Variants in KIAA1671 observed in about 807,000 individuals in gnomAD.
KIAA1671 encodes KIAA1671.
Under a neutral mutation model 131.2 loss-of-function variants are expected in KIAA1671, and 52 were observed. That is an observed-to-expected ratio of 0.40 (90% CI 0.32 to 0.50). KIAA1671 has a LOEUF of 0.50. KIAA1671 is among the 20% of genes least tolerant of loss of function. The pLI is 0.73. For missense variants in KIAA1671, 2,360 were observed against 2,364.2 expected (o/e 1.00, Z 0.04); for synonymous variants, 1,003 against 961.6 (o/e 1.04, Z -0.80).
In KIAA1671 at chr22:25,177,325, C is replaced by G. The variant is rs1236810629; in HGVS notation, c.4900-23C>G. The G allele has an allele frequency of 2.6e-6, 4 of 1,529,352 alleles. No individual in the cohort carries two copies. In the South Asian group the frequency reaches 3.7e-5, roughly 14 times the overall value. The allele number at this position is 1,529,352 out of a possible 1,614,324, so 94.7% of individuals were successfully genotyped here. A position where few individuals can be genotyped will look rare whatever the true frequency, so the allele number is the denominator to read the frequency against. Reference sequence around the variant, plus strand: ...TGATGGTTCCCTTGATTTTTTTCCTCTTCCTCCCTGCTGCTCCCAAAGCAA... The same window carrying G: ...TGATGGTTCCCTTGATTTTTTTCCTGTTCCTCCCTGCTGCTCCCAAAGCAA... On this transcript the variant is annotated intron_variant, in intron 8 of 12. Coordinates refer to ENST00000358431, the MANE Select transcript of KIAA1671 (RefSeq NM_001145206.2).
intron 10 of KIAA1671, among the ~76,000 whole-genome samples, chr22:25,184,005 T>C (rs2146040220): frequency 6.6e-6 from 1 of 152,362 alleles, no homozygotes; most frequent in East Asian, 1.9e-4. Context: ...GAGGCAGATC[T>C]TGGGATTCCA....
chr22:25,092,666 G>A (rs908042747), intron 6 of KIAA1671, among the ~76,000 whole-genome samples: 1 of 152,186 alleles, frequency 6.6e-6, no homozygotes, highest in African/African-American at 2.4e-5. Context: ...TCGGGTTCAG[G>A]CTGTAGTTTC....
chr22:24,965,344 G>C (rs1394226559), intron 1 of KIAA1671, among the ~76,000 whole-genome samples: 1 of 151,708 alleles, frequency 6.6e-6, no homozygotes, highest in African/African-American at 2.4e-5. Context: ...GAACCCGGGA[G>C]GCTGAGGTTG....
At chr22:25,002,122 C>T (rs944003302) in intron 1 of KIAA1671, among the ~76,000 whole-genome samples, 3 of 152,138 alleles carry the variant, frequency 2.0e-5, no homozygotes, top group African/African-American at 7.2e-5. Flanking sequence ...CCCTAAAAAA[C>T]GAGCAGGCTT....
rs1930243105 is a variant in KIAA1671 at position 25,093,824 on chromosome 22, TTCTCTCTCTGTCTGTCTCTCTCTC to T, written c.4530+44470_4530+44493del. Reference sequence around the variant, plus strand: ...TCTCTCTCTCTCTGTCTCTCTCTCTTTCTCTCTCTGTCTGTCTCTCTCTCTCTCTCTCTCTCTCTCTCTCTCTCT... The same window carrying T: ...TCTCTCTCTCTCTGTCTCTCTCTCTTTCTCTCTCTCTCTCTCTCTCTCTCT... On this transcript the variant is annotated intron_variant, in intron 6 of 12. Coordinates refer to ENST00000358431, the MANE Select transcript of KIAA1671 (RefSeq NM_001145206.2). 3.6e-4 allele frequency among the ~76,000 whole-genome samples: 8 copies of T among 21,952 alleles called. 1 individual carries two copies. The highest frequency in any genetic ancestry group is 1.9e-3 in the African/African-American group (7 of 3,634). 14.4% of individuals were successfully genotyped at this position (21,952 alleles called of 152,430 possible).
At chr22:25,132,558 A>C (rs528602347) in intron 6 of KIAA1671, among the ~76,000 whole-genome samples, 1 of 152,254 alleles carries the variant, frequency 6.6e-6, no homozygotes, top group African/African-American at 2.4e-5. Context: ...GAAGTACGTG[A>C]GATTCATGTG....
At chr22:25,132,219 T>C (rs1932472644) in intron 6 of KIAA1671, among the ~76,000 whole-genome samples, 1 of 152,182 alleles carries the variant, frequency 6.6e-6, no homozygotes, top group Non-Finnish European at 1.5e-5. Context: ...CACTCACCCT[T>C]CCAGTTTGCA....
intron 6 of KIAA1671, among the ~76,000 whole-genome samples, chr22:25,159,690 G>A (rs1933370186): frequency 6.6e-6 from 1 of 152,150 alleles, no homozygotes; most frequent in Non-Finnish European, 1.5e-5. Context: ...TACAGATAGG[G>A]AAGTTGAGGC....
At chr22:25,181,857 G>C in intron 10 of KIAA1671, 34 bp downstream of exon 10, 1 of 1,546,868 alleles carries the variant, frequency 6.5e-7, no homozygotes, top group African/African-American at 1.4e-5. Flanking sequence ...CACCTGGTGG[G>C]CATGATCCTC....
At chr22:25,069,460 G>A (rs538924877) in intron 6 of KIAA1671, among the ~76,000 whole-genome samples, 87 of 152,216 alleles carry the variant, frequency 5.7e-4, no homozygotes, top group Non-Finnish European at 4.1e-4. Flanking sequence ...GGCAGCTGGT[G>A]CCTCAGGGAG....
chr22:25,064,519 T>A (rs1928360857), intron 6 of KIAA1671: 1 of 152,162 alleles, frequency 6.6e-6, no homozygotes, highest in African/African-American at 2.4e-5. Context: ...CTAGCAAGTG[T>A]GGGAATGAGG....
chr22:24,963,711 C>T (rs1337287465), intron 1 of KIAA1671, among the ~76,000 whole-genome samples: 10 of 151,786 alleles, frequency 6.6e-5, no homozygotes, highest in African/African-American at 1.5e-4. Context: ...GAGGATGAGG[C>T]GGGCAGATCA....
chr22:24,961,375 C>T (rs377115378), intron 1 of KIAA1671, among the ~76,000 whole-genome samples: 2 of 152,226 alleles, frequency 1.3e-5, no homozygotes, highest in East Asian at 1.9e-4. Context: ...TCTTTCTGGA[C>T]ATACGTGGTC....
chr22:25,002,372 T>C (rs2123863543), intron 1 of KIAA1671, among the ~76,000 whole-genome samples: 1 of 152,106 alleles, frequency 6.6e-6, no homozygotes, highest in East Asian at 1.9e-4. Context: ...GAGTGGAAAG[T>C]GAGACAGGGA....
chr22:25,087,456 C>T (rs1422847968), intron 6 of KIAA1671, among the ~76,000 whole-genome samples: 2 of 152,084 alleles, frequency 1.3e-5, no homozygotes, highest in African/African-American at 4.8e-5. Context: ...TGGTGGCGGG[C>T]GCCTATAACC....
At chr22:24,978,576 T>C (rs552973840) in intron 1 of KIAA1671, among the ~76,000 whole-genome samples, 3 of 152,178 alleles carry the variant, frequency 2.0e-5, no homozygotes, top group Non-Finnish European at 4.4e-5. Flanking sequence ...GGTTTTGAAC[T>C]CAGGCAGCTG....
intron 1 of KIAA1671, among the ~76,000 whole-genome samples, chr22:24,959,352 AT>A (rs2087349353): frequency 6.6e-6 from 1 of 151,862 alleles, no homozygotes; most frequent in South Asian, 2.1e-4. Flanking sequence ...CTAAAAAAAA[AT>A]AAAAATAAAA....
chr22:25,144,270 C>T (rs890521783), intron 6 of KIAA1671, among the ~76,000 whole-genome samples: 2 of 152,168 alleles, frequency 1.3e-5, no homozygotes, highest in Admixed American at 1.3e-4. Context: ...CTGCCTCTAT[C>T]TTCTGAGGTC....
chr22:25,047,381 C>T (rs1486817492), intron 5 of KIAA1671, among the ~76,000 whole-genome samples: 3 of 151,952 alleles, frequency 2.0e-5, no homozygotes, highest in Non-Finnish European at 4.4e-5. Context: ...GAACTCCTGA[C>T]CTCAAGTGAT....
Sources: allele counts gnomAD v4.1 joint callset (sites outside exome capture counted in the v4.1 genomes callset), GRCh38; gene constraint gnomAD v4.1.1; transcripts MANE v1.5; gene names NCBI Gene and HGNC (gene_info 2026-07-23, HGNC 2026-07-21).